Variants in GLB1L2 observed in about 807,000 individuals in gnomAD.
The protein encoded by GLB1L2 is galactosidase beta 1 like 2.
Under a neutral mutation model 84.1 loss-of-function variants are expected in GLB1L2, and 68 were observed. That is an observed-to-expected ratio of 0.81 (90% CI 0.67 to 0.99). The LOEUF (loss-of-function observed/expected upper bound fraction) is 0.99, where lower values mean the gene tolerates loss of function less well. Ranked by LOEUF, GLB1L2 falls within the 50% of genes least tolerant of loss-of-function variation. The pLI is 0.00. For missense variants in GLB1L2, 762 were observed against 805.6 expected, an observed-to-expected ratio of 0.95 and a Z score of 0.66; for synonymous variants, 290 against 318.0, an observed-to-expected ratio of 0.91 and a Z score of 0.94.
chr11:134,371,458 A>G lies in GLB1L2; in HGVS notation c.1394A>G (p.Tyr465Cys), dbSNP rs777080421. Residue 465 changes from tyrosine to cysteine, a missense_variant, in exon 14 of 19, where the codon TAC becomes TGC. Tyr to Cys is a radical substitution (Grantham distance 194). Transcript: ENST00000535456. ...VNTVSIGFLD[Y>C]KTTKIAVPLI... Reference sequence around the variant, plus strand: ...ACAGTATCCATAGGATTCTTGGACTACAAGACAACGAAGATTGCTGTCCCC... The same window carrying G: ...ACAGTATCCATAGGATTCTTGGACTGCAAGACAACGAAGATTGCTGTCCCC... The G allele has an allele frequency of 4.4e-6, 7 of 1,602,006 alleles. No individual in the cohort carries two copies. Among genetic ancestry groups the G allele is most frequent in the Non-Finnish European group, 6.0e-6 (7 of 1,168,958 alleles).
intron 14 of GLB1L2, 37 bp downstream of exon 14, chr11:134,371,529 C>A: frequency 7.7e-7 from 1 of 1,296,826 alleles, no homozygotes; most frequent in African/African-American, 1.5e-5. Flanking sequence ...TGGCTAGCCC[C>A]CGCTGCTTCG....
At chr11:134,355,882 A>G (rs1171917886) in intron 5 of GLB1L2, 1 of 397,960 alleles carries the variant, frequency 2.5e-6, no homozygotes, top group Non-Finnish European at 5.0e-6. Context: ...AAGTTAGAAC[A>G]TTATCAACAA....
chr11:134,352,383 T>C (rs1420396956), intron 5 of GLB1L2, among the ~76,000 whole-genome samples: 3 of 152,252 alleles, frequency 2.0e-5, no homozygotes, highest in East Asian at 3.9e-4. Context: ...TCTTTTCAAA[T>C]AACCAACTCT....
intron 1 of GLB1L2, among the ~76,000 whole-genome samples, chr11:134,341,658 CTG>C (rs969661796): frequency 6.6e-6 from 1 of 152,224 alleles, no homozygotes; most frequent in African/African-American, 2.4e-5. Context: ...GGCCCTGGGG[CTG>C]TGAGAAGTAG....
Position 134,374,266 on chromosome 11 carries a change from G to A in GLB1L2, c.1707+10G>A, listed in dbSNP as rs374301389. On this transcript the variant is annotated intron_variant, in intron 17 of 18. Coordinates refer to ENST00000535456, the MANE Select transcript of GLB1L2 (RefSeq NM_001370461.1). ...CTTTCTGAAGCTGGAGGTTGGTAAC[G>A]CCCTTTTCCCTGCCAGTTTCTCCCA... 54 of 1,580,844 alleles carry A rather than the reference G, an allele frequency of 3.4e-5. No homozygotes were observed. The highest frequency in any genetic ancestry group is 5.0e-5 in the Admixed American group (3 of 59,956).
Position 134,332,070 on chromosome 11 carries a change from G to A in GLB1L2, c.9G>A (p.Thr3=). The A allele has an allele frequency of 6.3e-7, 1 of 1,580,136 alleles. No individual in the cohort carries two copies. Among genetic ancestry groups the A allele is most frequent in the East Asian group, 2.3e-5 (1 of 42,660 alleles). The part of the protein sequence containing the change: MT[T]WSLRRRPART... ...CGCTTAGAGAACACGCGATGACCAC[G>A]TGGAGCCTCCGGCGGAGGCCGGCCC... is the stretch of plus-strand genomic sequence containing the variant. Residue 3 remains threonine, a synonymous_variant, in exon 1 of 19, where the codon ACG becomes ACA. Transcript: ENST00000535456.
chr11:134,367,084 G>A (rs1008213879), intron 8 of GLB1L2, 173 bp from the exon 9 acceptor site: 3 of 643,036 alleles, frequency 4.7e-6, no homozygotes, highest in African/African-American at 1.8e-5. Context: ...GAACTGGTGT[G>A]CAGGCGAATT....
In GLB1L2 at chr11:134,351,222, G is replaced by GT. The variant is rs200956511; in HGVS notation, c.558+3795dup. On this transcript the variant is annotated intron_variant, in intron 5 of 18. Coordinates refer to ENST00000535456, the MANE Select transcript of GLB1L2 (RefSeq NM_001370461.1). ...TCCTTCTGTTCCTAGTTGACTGAGT[G>GT]TTTTTTATCATGAAAGAATGTTGAA... 5.3e-3 allele frequency among the ~76,000 whole-genome samples: 812 copies of GT among 151,810 alleles called. 12 individuals are homozygous for GT. Among genetic ancestry groups the GT allele is most frequent in the African/African-American group, 0.018 (728 of 41,416 alleles).
chr11:134,366,149 G>C (rs1421240676), intron 8 of GLB1L2, among the ~76,000 whole-genome samples: 2 of 152,086 alleles, frequency 1.3e-5, no homozygotes, highest in Non-Finnish European at 2.9e-5. Flanking sequence ...CCGCAGCTCT[G>C]GTACCCTCAA....
Position 134,375,085 on chromosome 11 carries a change from C to T in GLB1L2, c.*27C>T. 6.3e-7 allele frequency: 1 copy of T among 1,591,118 alleles called. No individual in the cohort carries two copies. On this transcript the variant is annotated 3_prime_UTR_variant, in exon 19 of 19. Transcript: ENST00000535456. Reference sequence around the variant, plus strand: ...CGGTGGCACCCCCTCCTGCTGGTGCCAGTGGGAGACTGCCGCCTCCTCTTG... The same window carrying T: ...CGGTGGCACCCCCTCCTGCTGGTGCTAGTGGGAGACTGCCGCCTCCTCTTG...
chr11:134,373,615 T>TCAGCACC, intron 15 of GLB1L2, 106 bp from the exon 16 acceptor site: 1 of 735,144 alleles, frequency 1.4e-6, no homozygotes, highest in Admixed American at 2.1e-5. Flanking sequence ...AGCGTACACT[T>TCAGCACC]CAGCACCCCT....
At chr11:134,371,210 C>G in intron 13 of GLB1L2, 62 bp downstream of exon 13, 1 of 1,578,236 alleles carries the variant, frequency 6.3e-7, no homozygotes, top group African/African-American at 1.3e-5. Context: ...ATAGGCGTCT[C>G]ATGCCCTCCC....
Position 134,374,633 on chromosome 11 carries a change from G to A in GLB1L2, c.1739G>A (p.Gly580Asp). 1 of 1,613,994 alleles carries A rather than the reference G, an allele frequency of 6.2e-7. No individual in the cohort carries two copies. Among genetic ancestry groups the A allele is most frequent in the Non-Finnish European group, 8.5e-7 (1 of 1,179,948 alleles). ...GAGAAGGGGGTTGTATTCATCAATG[G>A]CCAGAACCTTGGACGTTACTGGAAC... Reference protein sequence around the residue: ...GWEKGVVFINGQNLGRYWNIG... With the variant: ...GWEKGVVFINDQNLGRYWNIG... Residue 580 changes from glycine to aspartate, a missense_variant, in exon 18 of 19, where the codon GGC becomes GAC. Physicochemically the swap from Gly to Asp is moderately conservative, Grantham distance 94. Around this residue, in one of 3 missense-constraint regions of GLB1L2, gnomAD observed 603 missense variants for 611.7 expected, o/e 0.99. Coordinates refer to ENST00000535456, the MANE Select transcript of GLB1L2 (RefSeq NM_001370461.1).
At chr11:134,360,707 T>A (rs1943773244) in intron 7 of GLB1L2, 1 of 151,790 alleles carries the variant, frequency 6.6e-6, no homozygotes, top group African/African-American at 2.4e-5. Flanking sequence ...AAAAGTGAAA[T>A]AATCGAAAAT....
intron 6 of GLB1L2, among the ~76,000 whole-genome samples, chr11:134,357,541 C>T (rs918135525): frequency 5.3e-5 from 8 of 152,250 alleles, no homozygotes; most frequent in African/African-American, 9.6e-5. Context: ...ACCCCATTCC[C>T]GCAGACTGTC....
intron 1 of GLB1L2, among the ~76,000 whole-genome samples, chr11:134,332,532 T>TCCCC (rs1943316608): frequency 6.6e-6 from 1 of 151,906 alleles, no homozygotes; most frequent in African/African-American, 2.4e-5. Context: ...CCTCTGCCCT[T>TCCCC]CCCCCAGGCC....
chr11:134,369,648 A>G (rs1943919493), intron 10 of GLB1L2, among the ~76,000 whole-genome samples, 157 bp from the exon 11 acceptor site: 1 of 151,996 alleles, frequency 6.6e-6, no homozygotes, highest in African/African-American at 2.4e-5. Context: ...CTGGTCTTTC[A>G]TGTTTACAGT....
In GLB1L2 at chr11:134,371,723, A is replaced by G. The variant is rs1943954687; in HGVS notation, c.1429-29A>G. The G allele has an allele frequency of 1.9e-6, 3 of 1,610,746 alleles. No individual in the cohort carries two copies. The East Asian group carries it at 6.7e-5, about 36-fold the overall frequency. ...TGAGGGGCAGCTGTGGCCTTCTGAC[A>G]GTCATCGTTAGCCCCGTGTTCCCGG... is the stretch of plus-strand genomic sequence containing the variant. On this transcript the variant is annotated intron_variant, in intron 14 of 18. Coordinates refer to ENST00000535456, the MANE Select transcript of GLB1L2 (RefSeq NM_001370461.1).
intron 1 of GLB1L2, among the ~76,000 whole-genome samples, chr11:134,340,340 C>T (rs557313644): frequency 2.5e-4 from 38 of 152,184 alleles, no homozygotes; most frequent in African/African-American, 8.4e-4. Context: ...TCAAAATGCC[C>T]CTGTTTTTAA....
Sources: allele counts gnomAD v4.1 joint callset (sites outside exome capture counted in the v4.1 genomes callset), GRCh38; gene constraint gnomAD v4.1.1; regional missense constraint gnomAD v4.1.1; transcripts MANE v1.5; gene names NCBI Gene and HGNC (gene_info 2026-07-23, HGNC 2026-07-21).